The following NOL4 variants were observed in gnomAD, a reference collection of about 807,000 sequenced individuals.
NOL4 encodes the protein nucleolar protein 4.
NOL4 carries 17 observed loss-of-function variants against 75.9 expected under a neutral mutation model. The observed-to-expected ratio is 0.22, with a 90% CI of 0.15 to 0.34. NOL4 has a LOEUF of 0.34. NOL4 is among the 10% of genes least tolerant of loss of function. The pLI, the probability that NOL4 is intolerant of heterozygous loss-of-function variation, is 1.00. For missense variants in NOL4, 614 were observed against 793.5 expected (o/e 0.77, Z 2.72); for synonymous variants, 292 against 289.9 (o/e 1.01, Z -0.07).
At chr18:34,105,852 A>G (rs9944884) in intron 2 of NOL4, among the ~76,000 whole-genome samples, 129,697 of 151,904 alleles carry the variant, frequency 0.85, 55,471 homozygotes, top group East Asian at 0.96. Flanking sequence ...TCAGAACCAT[A>G]ATCTAGAATC....
intron 3 of NOL4, among the ~76,000 whole-genome samples, chr18:34,104,505 A>G (rs923377449): frequency 6.6e-6 from 1 of 151,986 alleles, no homozygotes; most frequent in Admixed American, 6.6e-5. Flanking sequence ...AATCTGCTCA[A>G]TTTTTTGCTT....
chr18:33,867,642 G>C (rs1201558151), intron 10 of NOL4, among the ~76,000 whole-genome samples: 1 of 101,870 alleles, frequency 9.8e-6, no homozygotes, highest in Non-Finnish European at 1.9e-5. Context: ...TAATGTGTGT[G>C]TATGTAAACA....
Position 34,138,403 on chromosome 18 carries a change from A to AAAAAAT in NOL4, c.265-8389_265-8384dup, listed in dbSNP as rs1433206857. Among the ~76,000 whole-genome samples the AAAAAAT allele has an allele frequency of 2.3e-4, 35 of 152,222 alleles. 1 individual carries two copies. In the East Asian group the frequency reaches 6.2e-3, roughly 27 times the overall value. On this transcript the variant is annotated intron_variant, in intron 1 of 10. Coordinates refer to ENST00000261592, the MANE Select transcript of NOL4 (RefSeq NM_003787.5). ...AGCAACAGGGTGAGAAACTACCTCA[A>AAAAAAT]AAAAATAAAAATAAAAATAATGACA...
intron 10 of NOL4, among the ~76,000 whole-genome samples, chr18:33,869,701 T>C (rs889300569): frequency 6.6e-6 from 1 of 152,086 alleles, no homozygotes; most frequent in East Asian, 1.9e-4. Flanking sequence ...ATAGAGTATT[T>C]ACACTGAAAT....
At position 34,194,150 on chromosome 18, in the gene NOL4, G is replaced by A. The variant is rs992459631; in HGVS notation, c.264+28840C>T. 3.9e-5 allele frequency among the ~76,000 whole-genome samples: 6 copies of A among 152,072 alleles called. No homozygotes were observed. In the East Asian group the frequency reaches 1.2e-3, roughly 29 times the overall value. On this transcript the variant is annotated intron_variant, in intron 1 of 10. Transcript: ENST00000261592. The stretch of plus-strand genomic sequence containing the variant: ...GAGGAATAATTTCAAAATATAGAAT[G>A]TATGATTTGGTGACTACAGTTAAAA...
intron 5 of NOL4, among the ~76,000 whole-genome samples, chr18:34,074,221 T>A (rs1399130398): frequency 6.6e-6 from 1 of 151,808 alleles, no homozygotes; most frequent in Non-Finnish European, 1.5e-5. Flanking sequence ...TCATATTTTT[T>A]AATATTACAT....
At chr18:34,029,053 A>C (rs1202728572) in intron 5 of NOL4, among the ~76,000 whole-genome samples, 1 of 152,082 alleles carries the variant, frequency 6.6e-6, no homozygotes, top group Non-Finnish European at 1.5e-5. Context: ...AGAGAAAGCC[A>C]AGTAGGGAGA....
chr18:33,956,583 G>A (rs544754537), intron 8 of NOL4, among the ~76,000 whole-genome samples: 1 of 152,190 alleles, frequency 6.6e-6, no homozygotes, highest in South Asian at 2.1e-4. Context: ...ATAAGAAAAT[G>A]GGAAAGGCAT....
intron 2 of NOL4, among the ~76,000 whole-genome samples, chr18:34,110,236 C>CA (rs975365666): frequency 2.1e-4 from 30 of 140,464 alleles, no homozygotes; most frequent in Admixed American, 1.6e-3. Context: ...AAGGACGCTA[C>CA]AAAAAAAGTT....
chr18:33,904,969 T>C (rs1568039407), intron 9 of NOL4, among the ~76,000 whole-genome samples: 1 of 152,054 alleles, frequency 6.6e-6, no homozygotes, highest in Admixed American at 6.6e-5. Flanking sequence ...TAAACCACAG[T>C]CTAAAAAGAA....
intron 9 of NOL4, among the ~76,000 whole-genome samples, chr18:33,937,769 A>T (rs2068165350): frequency 6.6e-6 from 1 of 152,098 alleles, no homozygotes; most frequent in Non-Finnish European, 1.5e-5. Flanking sequence ...TTACAGCAAG[A>T]AAAAAGTAGT....
At chr18:33,863,561 AAAT>A (rs2063282765) in intron 10 of NOL4, among the ~76,000 whole-genome samples, 1 of 152,190 alleles carries the variant, frequency 6.6e-6, no homozygotes, top group Non-Finnish European at 1.5e-5. Flanking sequence ...GGCAGTCATG[AAAT>A]CTTAAAGCTC....
chr18:34,128,911 A>G (rs2080504511), intron 2 of NOL4: 1 of 956,418 alleles, frequency 1.0e-6, no homozygotes, highest in African/African-American at 1.8e-5. Context: ...ATGGATCCAG[A>G]CTGATATTGT....
intron 5 of NOL4, among the ~76,000 whole-genome samples, chr18:34,020,819 T>A (rs1448926890): frequency 6.6e-6 from 1 of 152,046 alleles, no homozygotes; most frequent in Non-Finnish European, 1.5e-5. Flanking sequence ...TAATTTTATC[T>A]TATATGATAA....
intron 5 of NOL4, among the ~76,000 whole-genome samples, chr18:34,060,499 T>A (rs776250579): frequency 1.2e-4 from 18 of 152,222 alleles, no homozygotes; most frequent in Non-Finnish European, 2.4e-4. Context: ...AAATACTGTA[T>A]GTTATTAATG....
At chr18:34,019,674 T>C in intron 5 of NOL4, 73 bp from the exon 6 acceptor site, 5 of 1,347,418 alleles carry the variant, frequency 3.7e-6, no homozygotes, top group Non-Finnish European at 5.1e-6. Context: ...CTAGCATTTA[T>C]TGAGCTCCCA....
intron 1 of NOL4, among the ~76,000 whole-genome samples, chr18:34,199,637 C>T (rs2035592590): frequency 6.6e-6 from 1 of 151,758 alleles, no homozygotes; most frequent in African/African-American, 2.4e-5. Context: ...GTTCTGTAAA[C>T]CTATTATTCT....
chr18:33,958,228 G>A lies in NOL4; in HGVS notation c.1236+11C>T. 6.2e-7 allele frequency: 1 copy of A among 1,610,132 alleles called. No homozygotes were observed. The highest frequency in any genetic ancestry group is 8.5e-7 in the Non-Finnish European group (1 of 1,177,318). ...AAAATTAAACCACACTTGGAGTGTG[G>A]CAGGACTCACATTAAAAGCTTTCAG... On this transcript the variant is annotated intron_variant, in intron 7 of 10. Transcript: ENST00000261592.
chr18:34,025,842 A>T (rs1213565119), intron 5 of NOL4, among the ~76,000 whole-genome samples: 1 of 152,084 alleles, frequency 6.6e-6, no homozygotes, highest in Non-Finnish European at 1.5e-5. Flanking sequence ...TTAAGTACCC[A>T]TGTTTTTAAA....
Sources: allele counts gnomAD v4.1 joint callset (sites outside exome capture counted in the v4.1 genomes callset), GRCh38; gene constraint gnomAD v4.1.1; transcripts MANE v1.5; gene names NCBI Gene and HGNC (gene_info 2026-07-23, HGNC 2026-07-21).